Variants in MITF observed in about 807,000 individuals in gnomAD.
MITF encodes microphthalmia-associated transcription factor.
MITF carries 17 observed loss-of-function variants against 60.5 expected under a neutral mutation model. The observed-to-expected ratio is 0.28, with a 90% CI of 0.19 to 0.42. MITF has a LOEUF of 0.42. Ranked by LOEUF, MITF falls within the 10% of genes least tolerant of loss-of-function variation. The probability of loss-of-function intolerance (pLI) is 1.00; values close to 1 mark genes in which losing one functional copy is unlikely to be tolerated. For missense variants in MITF, 622 were observed against 683.5 expected (o/e 0.91, Z 1.00); for synonymous variants, 260 against 248.5 (o/e 1.05, Z -0.43).
chr3:69,758,005 G>A (rs1394530017), intron 1 of MITF, among the ~76,000 whole-genome samples: 5 of 92,234 alleles, frequency 5.4e-5, no homozygotes, highest in Non-Finnish European at 1.0e-4. Context: ...GCATGTGTGT[G>A]TGTGTGTGTG....
chr3:69,951,716 AGCTT>A, intron 6 of MITF, 92 bp from the exon 7 acceptor site: 1 of 906,656 alleles, frequency 1.1e-6, no homozygotes, highest in Non-Finnish European at 1.8e-6. Context: ...AAGTCAAATA[AGCTT>A]CTGTATGTTT....
chr3:69,891,689 G>A (rs1357550905), intron 2 of MITF, among the ~76,000 whole-genome samples: 1 of 152,202 alleles, frequency 6.6e-6, no homozygotes, highest in Non-Finnish European at 1.5e-5. Context: ...TTTCTTTACT[G>A]TAGAGCCTCT....
chr3:69,925,985 G>A (rs546276419), intron 2 of MITF, among the ~76,000 whole-genome samples: 1 of 152,210 alleles, frequency 6.6e-6, no homozygotes, highest in African/African-American at 2.4e-5. Flanking sequence ...TGATTTTCAT[G>A]CAATCAGGGC....
chr3:69,777,631 G>A (rs898540781), intron 1 of MITF, among the ~76,000 whole-genome samples: 5 of 152,144 alleles, frequency 3.3e-5, no homozygotes, highest in African/African-American at 9.7e-5. Context: ...AGGCCTGGAT[G>A]TCAGATCCTT....
chr3:69,749,588 CT>C (rs1163539672), intron 1 of MITF, among the ~76,000 whole-genome samples: 1 of 152,174 alleles, frequency 6.6e-6, no homozygotes, highest in African/African-American at 2.4e-5. Flanking sequence ...AATATGCATT[CT>C]TGAAAATTCT....
chr3:69,924,452 G>A (rs2065539783), intron 2 of MITF, among the ~76,000 whole-genome samples: 1 of 152,180 alleles, frequency 6.6e-6, no homozygotes, highest in Admixed American at 6.5e-5. Context: ...GGAGAAAGAG[G>A]ACATAAATAC....
chr3:69,876,016 T>C lies in MITF; in HGVS notation c.105-3118T>C, dbSNP rs569519876. ...TAACTATAAAAATATATTTGCTCTATTTTTTAGTGGGGTTTCTTTTCACTT... is the reference window on the plus strand; with the variant it reads ...TAACTATAAAAATATATTTGCTCTACTTTTTAGTGGGGTTTCTTTTCACTT... On this transcript the variant is annotated intron_variant, in intron 1 of 9. Coordinates refer to ENST00000352241, the MANE Select transcript of MITF (RefSeq NM_001354604.2). Among the ~76,000 whole-genome samples the C allele has an allele frequency of 2.0e-5, 3 of 152,344 alleles. No individual in the cohort carries two copies. In the East Asian group the frequency reaches 5.8e-4, roughly 29 times the overall value.
chr3:69,927,221 C>T (rs1474301566), intron 2 of MITF, among the ~76,000 whole-genome samples: 1 of 152,028 alleles, frequency 6.6e-6, no homozygotes, highest in African/African-American at 2.4e-5. Flanking sequence ...TTCCCATTTA[C>T]ATTAATGAAC....
In MITF at chr3:69,791,599, G is replaced by A. The variant is rs1164669369; in HGVS notation, c.104+51898G>A. 4.6e-5 allele frequency among the ~76,000 whole-genome samples: 7 copies of A among 152,306 alleles called. No homozygotes were observed. In the East Asian group the frequency reaches 1.4e-3, roughly 29 times the overall value. On this transcript the variant is annotated intron_variant, in intron 1 of 9. Coordinates refer to ENST00000352241, the MANE Select transcript of MITF (RefSeq NM_001354604.2). The stretch of plus-strand genomic sequence containing the variant: ...CAAGTTAAGAAGAATGGCTACTTAT[G>A]CAAAATATAAAAACCTTGGGTATTT...
rs1237002337 is a variant in MITF at position 69,966,472 on chromosome 3, T to C, written c.*1224T>C. On this transcript the variant is annotated 3_prime_UTR_variant, in exon 10 of 10. Transcript: ENST00000352241. ...AACTTACATATTTATTTTTAGGACA[T>C]GAAAATAGCAATATTCTTGGAGATT... is the stretch of plus-strand genomic sequence containing the variant. The C allele has an allele frequency of 4.3e-6, 1 of 232,676 alleles. No individual in the cohort carries two copies. The highest frequency in any genetic ancestry group is 2.2e-5 in the African/African-American group (1 of 45,318). The allele number at this position is 232,676 out of a possible 1,614,324, so 14.4% of individuals were successfully genotyped here.
chr3:69,771,090 A>T lies in MITF; in HGVS notation c.104+31389A>T, dbSNP rs566883597. 2.0e-5 allele frequency among the ~76,000 whole-genome samples: 3 copies of T among 152,236 alleles called. No homozygotes were observed. The East Asian group carries it at 5.8e-4, about 29-fold the overall frequency. On this transcript the variant is annotated intron_variant, in intron 1 of 9. Coordinates refer to ENST00000352241, the MANE Select transcript of MITF (RefSeq NM_001354604.2). Reference sequence around the variant, plus strand: ...ATTTCCAGATCAGAAACTTGATTTTATGTAGGTGGACCTGGATTCATTCCA... The same window carrying T: ...ATTTCCAGATCAGAAACTTGATTTTTTGTAGGTGGACCTGGATTCATTCCA...
intron 1 of MITF, among the ~76,000 whole-genome samples, chr3:69,774,920 A>G (rs1156605772): frequency 2.0e-5 from 3 of 152,146 alleles, no homozygotes; most frequent in African/African-American, 7.2e-5. Context: ...GGAAACAGGA[A>G]CCAAGAGCCC....
chr3:69,850,909 C>T (rs1575817792), intron 1 of MITF, among the ~76,000 whole-genome samples: 1 of 152,276 alleles, frequency 6.6e-6, no homozygotes, highest in African/African-American at 2.4e-5. Flanking sequence ...TCTTTGCATG[C>T]TCATGGAGCC....
intron 1 of MITF, among the ~76,000 whole-genome samples, chr3:69,747,854 G>GT (rs1253303113): frequency 1.3e-5 from 2 of 152,160 alleles, no homozygotes; most frequent in Non-Finnish European, 2.9e-5. Context: ...TCTGACCATA[G>GT]TTTTTGGGGC....
rs117551079 is a variant in MITF, at chr3:69,924,615, G to T, written c.355-13207G>T. Among the ~76,000 whole-genome samples the T allele has an allele frequency of 7.8e-4, 118 of 152,254 alleles. 2 individuals are homozygous for T. In the East Asian group the frequency reaches 0.023, roughly 29 times the overall value. On this transcript the variant is annotated intron_variant, in intron 2 of 9. Transcript: ENST00000352241. ...GAGAGTTATTGACTCGGCTCATCCT[G>T]TTTCACGGATACCTCCCTCTAACTT...
In MITF at chr3:69,879,307, G is replaced by A. The variant is rs2107277870; in HGVS notation, c.278G>A (p.Ser93Asn). 6.2e-7 allele frequency: 1 copy of A among 1,614,222 alleles called. No individual in the cohort carries two copies. The highest frequency in any genetic ancestry group is 8.5e-7 in the Non-Finnish European group (1 of 1,180,046). The change falls in exon 2 of 10, where the codon AGT becomes AAT. Residue 93 changes from serine to asparagine, a missense_variant. By Grantham distance (46) the Ser-to-Asn change is conservative (BLOSUM62 1). Around this residue, in one of 5 missense-constraint regions of MITF, gnomAD observed 149 missense variants for 157.8 expected, o/e 0.94. Transcript: ENST00000352241. ...AQFMQQRVPV[S>N]QTPAINVSVP... is the part of the protein sequence containing the mutation. The stretch of plus-strand genomic sequence containing the variant: ...TTCATGCAACAGAGAGTGCCCGTGA[G>A]TCAGACACCAGCCATAAACGTCAGT...
intron 2 of MITF, among the ~76,000 whole-genome samples, chr3:69,922,379 A>G (rs898132251): frequency 2.0e-5 from 3 of 151,718 alleles, no homozygotes; most frequent in Non-Finnish European, 2.9e-5. Context: ...ATGCCACCAC[A>G]CCCAGCTAAT....
rs555725434 is a variant in MITF at position 69,920,776 on chromosome 3, C to T, written c.355-17046C>T. 3.7e-4 allele frequency among the ~76,000 whole-genome samples: 57 copies of T among 152,278 alleles called. No individual in the cohort carries two copies. The East Asian group carries it at 8.3e-3, about 22-fold the overall frequency. Reference sequence around the variant, plus strand: ...CCGCGCATTTGTGGTAGTGGTTCCCCGGGCCCAGCTGTCTTTTCTTTTATC... The same window carrying T: ...CCGCGCATTTGTGGTAGTGGTTCCCTGGGCCCAGCTGTCTTTTCTTTTATC... On this transcript the variant is annotated intron_variant, in intron 2 of 9. Transcript: ENST00000352241.
chr3:69,822,693 A>G (rs1364655467), intron 1 of MITF, among the ~76,000 whole-genome samples: 2 of 152,228 alleles, frequency 1.3e-5, no homozygotes, highest in Non-Finnish European at 2.9e-5. Context: ...GAACTGCACT[A>G]TGGAATGGTG....
Sources: gnomAD v4.1 joint callset for allele counts (sites outside exome capture counted in the v4.1 genomes callset) on GRCh38, gnomAD v4.1.1 for gene constraint, gnomAD v4.1.1 regional missense constraint, MANE v1.5 for transcripts, NCBI Gene and HGNC (gene_info 2026-07-23, HGNC 2026-07-21) for gene names.